Variants in ZNF624 observed in about 807,000 individuals in gnomAD.
ZNF624 encodes zinc finger protein 624.
ZNF624 carries 43 observed loss-of-function variants against 74.7 expected under a neutral mutation model. That is an observed-to-expected ratio of 0.58 (90% CI 0.45 to 0.74). ZNF624 has a LOEUF of 0.74. Ranked by LOEUF, ZNF624 falls within the 30% of genes least tolerant of loss-of-function variation. The pLI is 0.00. For synonymous variants in ZNF624, 331 were observed against 341.3 expected, an observed-to-expected ratio of 0.97 and a Z score of 0.33; for missense variants, 820 against 1,030.0, an observed-to-expected ratio of 0.80 and a Z score of 2.79.
chr17:16,642,924 T>C (rs1909500085), intron 3 of ZNF624, among the ~76,000 whole-genome samples: 1 of 152,200 alleles, frequency 6.6e-6, no homozygotes, highest in Non-Finnish European at 1.5e-5. Context: ...GAGAAGATGC[T>C]GGAAGTTCTT....
At chr17:16,618,724 T>C (rs891819323), downstream of ZNF624, among the ~76,000 whole-genome samples, 2 of 152,172 alleles carry the variant, frequency 1.3e-5, no homozygotes, top group Non-Finnish European at 2.9e-5. Flanking sequence ...ACGATGAGGA[T>C]AAAGATCTTG....
chr17:16,642,668 A>C (rs1909494192), intron 3 of ZNF624, among the ~76,000 whole-genome samples: 1 of 152,226 alleles, frequency 6.6e-6, no homozygotes, highest in Non-Finnish European at 1.5e-5. Flanking sequence ...AGAGATCATT[A>C]GGACTTCATT....
intron 3 of ZNF624, among the ~76,000 whole-genome samples, chr17:16,642,247 C>T (rs1489155065): frequency 1.3e-5 from 2 of 152,058 alleles, no homozygotes; most frequent in South Asian, 2.1e-4. Flanking sequence ...AATTTCAAAA[C>T]GTACTTCAAA....
intron 5 of ZNF624, among the ~76,000 whole-genome samples, chr17:16,633,633 G>A (rs1363753639): frequency 2.0e-5 from 3 of 152,200 alleles, no homozygotes; most frequent in Admixed American, 6.5e-5. Context: ...CGAAAAGCAC[G>A]TCCCCAGGAA....
chr17:16,633,967 G>T lies in ZNF624; in HGVS notation c.281-10C>A. On this transcript the variant is annotated splice_polypyrimidine_tract_variant and intron_variant, in intron 4 of 5. Transcript: ENST00000311331. ...TTGGAAACTGCAAGCCCTGTCCAGA[G>T]AAAAATAAATAGGATTTGATTGGAG... 6.2e-7 allele frequency: 1 copy of T among 1,608,882 alleles called. No individual in the cohort carries two copies. The highest frequency in any genetic ancestry group is 8.5e-7 in the Non-Finnish European group (1 of 1,176,676).
the ZNF624 span, among the ~76,000 whole-genome samples, chr17:16,615,593 G>A: frequency 6.6e-6 from 1 of 151,996 alleles, no homozygotes; most frequent in South Asian, 2.1e-4. Context: ...CTCAATAGTG[G>A]CAAAAAATGT....
chr17:16,641,520 G>C (rs144383036), intron 3 of ZNF624, among the ~76,000 whole-genome samples: 3,946 of 152,338 alleles, frequency 0.026, 155 homozygotes, highest in African/African-American at 0.09. Flanking sequence ...CTGGCCTCAA[G>C]TGATCCACCC....
chr17:16,647,602 T>C lies in ZNF624; in HGVS notation c.88-208A>G, dbSNP rs74481472. Among the ~76,000 whole-genome samples the C allele has an allele frequency of 3.1e-3, 476 of 152,308 alleles. 5 individuals carry two copies. The highest frequency in any genetic ancestry group is 0.011 in the African/African-American group (446 of 41,572). ...GGGACAATGACAAACACACGTAAGA[T>C]TGAAAAAGATATAACTGCTTTTAAA... is the stretch of plus-strand genomic sequence containing the variant. On this transcript the variant is annotated intron_variant, in intron 2 of 5. Transcript: ENST00000311331.
At chr17:16,649,839 T>C (rs1909679063) in intron 1 of ZNF624, 93 bp from the exon 2 acceptor site, 1 of 941,032 alleles carries the variant, frequency 1.1e-6, no homozygotes, top group Non-Finnish European at 1.7e-6. Context: ...GAGCATGACC[T>C]CCCTAAGGAA....
chr17:16,624,521 AAG>A lies in ZNF624; in HGVS notation c.377-14_377-13del. 1 of 1,542,846 alleles carries A rather than the reference AAG, an allele frequency of 6.5e-7. No homozygotes were observed. The highest frequency in any genetic ancestry group is 8.7e-7 in the Non-Finnish European group (1 of 1,152,564). The stretch of plus-strand genomic sequence containing the variant: ...TTTGGGCTCCATGTCTGGGGCAAAA[AAG>A]AGAAAAATCAAGTAATTCCTTTCCT... On this transcript the variant is annotated splice_polypyrimidine_tract_variant and intron_variant, in intron 5 of 5. Transcript: ENST00000311331.
intron 2 of ZNF624, among the ~76,000 whole-genome samples, chr17:16,649,278 T>C (rs1909663654): frequency 6.6e-6 from 1 of 152,186 alleles, no homozygotes; most frequent in Non-Finnish European, 1.5e-5. Context: ...GGCTGGGGTA[T>C]GTGTTTGTGT....
In ZNF624 at chr17:16,621,123, T is replaced by C. The variant is rs191448186; in HGVS notation, c.*1165A>G. ...CACAAAATAAATGGGTGTGATTATTTTAACAAAAATGATATATTGTATATA... is the reference window on the plus strand; with the variant it reads ...CACAAAATAAATGGGTGTGATTATTCTAACAAAAATGATATATTGTATATA... On this transcript the variant is annotated 3_prime_UTR_variant, in exon 6 of 6. Transcript: ENST00000311331. 1 of 152,304 alleles carries C rather than the reference T, an allele frequency of 6.6e-6. No homozygotes were observed. Among genetic ancestry groups the C allele is most frequent in the African/African-American group, 2.4e-5 (1 of 41,566 alleles). The allele number at this position is 152,304 out of a possible 1,614,324, so 9.4% of individuals were successfully genotyped here. A position where few individuals can be genotyped will look rare whatever the true frequency, so the allele number is the denominator to read the frequency against.
At chr17:16,616,024 T>C (rs1035107857), downstream of ZNF624, among the ~76,000 whole-genome samples, 9 of 146,276 alleles carry the variant, frequency 6.2e-5, no homozygotes, top group Admixed American at 6.1e-4. Flanking sequence ...TATACCTATA[T>C]TGTGGCAACA....
the ZNF624 span, among the ~76,000 whole-genome samples, chr17:16,614,496 T>C: frequency 3.9e-5 from 6 of 152,204 alleles, no homozygotes; most frequent in African/African-American, 1.4e-4. Flanking sequence ...ATATAAAATT[T>C]GATTAATCCT....
At chr17:16,634,551 G>A in intron 4 of ZNF624, 79 bp downstream of exon 4, 3 of 1,495,752 alleles carry the variant, frequency 2.0e-6, no homozygotes, top group Non-Finnish European at 2.7e-6. Flanking sequence ...CTTCAGTTAA[G>A]TACTTTAGAG....
At chr17:16,647,469 CA>C in intron 2 of ZNF624, 75 bp from the exon 3 acceptor site, 1 of 1,234,352 alleles carries the variant, frequency 8.1e-7, no homozygotes, top group Non-Finnish European at 1.2e-6. Flanking sequence ...CAAGCACCAC[CA>C]ATCCACTGTG....
At chr17:16,639,654 T>A (rs1220163041) in intron 3 of ZNF624, among the ~76,000 whole-genome samples, 1 of 152,052 alleles carries the variant, frequency 6.6e-6, no homozygotes, top group Non-Finnish European at 1.5e-5. Context: ...GACTTACTGG[T>A]TTAAGGCAAA....
chr17:16,629,453 G>A (rs1385907635), intron 5 of ZNF624, among the ~76,000 whole-genome samples: 1 of 151,952 alleles, frequency 6.6e-6, no homozygotes, highest in Admixed American at 6.6e-5. Context: ...GTCCTTTAAT[G>A]AGCAACAATT....
intron 5 of ZNF624, among the ~76,000 whole-genome samples, chr17:16,629,180 A>G (rs1277456353): frequency 1.4e-5 from 2 of 142,076 alleles, no homozygotes; most frequent in African/African-American, 5.3e-5. Flanking sequence ...CCTGGGCGAC[A>G]GAGCGAGACT....
Sources: allele counts gnomAD v4.1 joint callset (sites outside exome capture counted in the v4.1 genomes callset), GRCh38; gene constraint gnomAD v4.1.1; transcripts MANE v1.5; gene names NCBI Gene and HGNC (gene_info 2026-07-23, HGNC 2026-07-21).